UGT3A1: variants seen among roughly 807,000 people sequenced by gnomAD.
The protein encoded by UGT3A1 is UDP glycosyltransferase family 3 member A1, also known as UDP-glycosyltransferase 3A1.
A neutral mutation model predicts 37.6 loss-of-function variants in UGT3A1; 40 were observed. The observed-to-expected ratio is 1.06, with a 90% confidence interval of 0.83 to 1.38. The LOEUF (loss-of-function observed/expected upper bound fraction) is 1.38. Among genes scored for constraint, UGT3A1 ranks in the 40% most tolerant of loss-of-function variants. The pLI is 0.00. For missense variants in UGT3A1, 642 were observed against 634.2 expected (o/e 1.01, Z -0.13); for synonymous variants, 256 against 232.3 (o/e 1.10, Z -0.93).
chr5:35,967,981 AT>A, intron 3 of UGT3A1, 37 bp downstream of exon 3: 4 of 1,485,080 alleles, frequency 2.7e-6, no homozygotes, highest in Non-Finnish European at 3.7e-6. Context: ...TATCACTAAA[AT>A]AGTGACTCTT....
At chr5:35,959,959 A>G (rs1328731298) in intron 4 of UGT3A1, among the ~76,000 whole-genome samples, 2 of 152,214 alleles carry the variant, frequency 1.3e-5, no homozygotes, top group Admixed American at 1.3e-4. Flanking sequence ...CAATAATATC[A>G]GAGAGAATAA....
At position 35,962,587 on chromosome 5, in the gene UGT3A1, T is replaced by G. The variant is rs1739630427; in HGVS notation, c.843+2799A>C. The G allele has an allele frequency of 2.9e-5, 8 of 276,056 alleles. No homozygotes were observed. The South Asian group carries it at 5.8e-4, about 20-fold the overall frequency. The allele number at this position is 276,056 out of a possible 1,614,324, so 17.1% of individuals were successfully genotyped here. A position where few individuals can be genotyped will look rare whatever the true frequency, so the allele number is the denominator to read the frequency against. On this transcript the variant is annotated intron_variant, in intron 4 of 6. Coordinates refer to ENST00000274278, the MANE Select transcript of UGT3A1 (RefSeq NM_152404.4). ...GAAATGACAAAGCAGGAGGGCTGGATCAATCCTACACTGTCAGCAAAGATC... is the reference window on the plus strand; with the variant it reads ...GAAATGACAAAGCAGGAGGGCTGGAGCAATCCTACACTGTCAGCAAAGATC...
At chr5:35,974,757 G>A (rs1413962851) in intron 2 of UGT3A1, among the ~76,000 whole-genome samples, 1 of 152,138 alleles carries the variant, frequency 6.6e-6, no homozygotes, top group Non-Finnish European at 1.5e-5. Flanking sequence ...GTCCATCAAA[G>A]ACAGTTTGCT....
intron 5 of UGT3A1, 139 bp from the exon 6 acceptor site, chr5:35,956,003 C>T: frequency 1.1e-6 from 1 of 877,774 alleles, no homozygotes; most frequent in South Asian, 1.7e-5. Context: ...GCTTGGGACA[C>T]ACAAGTGTGA....
At chr5:35,994,863 T>TTTCTGCCACA (rs754645957), upstream of UGT3A1, among the ~76,000 whole-genome samples, 48 of 152,288 alleles carry the variant, frequency 3.2e-4, no homozygotes, top group Non-Finnish European at 1.2e-4. Context: ...TCCGGATGGG[T>TTTCTGCCACA]ATTGTGGCAA....
intron 1 of UGT3A1, among the ~76,000 whole-genome samples, chr5:35,998,558 T>C (rs1287262151): frequency 1.3e-5 from 2 of 152,238 alleles, no homozygotes; most frequent in Non-Finnish European, 2.9e-5. Flanking sequence ...ACTCTCTTGC[T>C]GGGACTTTTC....
In UGT3A1 at chr5:35,965,856, G is replaced by T. The variant is rs768917502; in HGVS notation, c.373C>A (p.Leu125Ile). The T allele has an allele frequency of 6.2e-7, 1 of 1,609,008 alleles. No homozygotes were observed. Residue 125 changes from leucine (L) to isoleucine (I), a missense_variant, in exon 4 of 7, where the codon CTA becomes ATA. Physicochemically the swap from Leu to Ile is conservative, Grantham distance 5. Transcript: ENST00000274278. ...GAATCCATTATATCCTTTCTGCTTA[G>T]CAAATAACTACATTGAGTCCCAAAT... ...EIFGTQCSYL[L>I]SRKDIMDSLK...
At chr5:35,954,565 T>TA in intron 6 of UGT3A1, 87 bp from the exon 7 acceptor site, 3 of 1,486,510 alleles carry the variant, frequency 2.0e-6, no homozygotes, top group Non-Finnish European at 2.7e-6. Flanking sequence ...CACACAAGCA[T>TA]ACAAACACTT....
chr5:36,000,478 T>C (rs113883510), intron 1 of UGT3A1, among the ~76,000 whole-genome samples: 21 of 152,304 alleles, frequency 1.4e-4, no homozygotes, highest in African/African-American at 4.6e-4. Context: ...CCAGGTACCA[T>C]TGACAAATCC....
intron 4 of UGT3A1, among the ~76,000 whole-genome samples, chr5:35,958,127 T>C (rs1330037441): frequency 3.9e-5 from 6 of 152,304 alleles, no homozygotes; most frequent in South Asian, 2.1e-4. Flanking sequence ...ATGATACTTA[T>C]AATATTATAA....
rs1486341027 is a variant in UGT3A1 at position 35,991,158 on chromosome 5, A to G, written c.83T>C (p.Ile28Thr). The change falls in exon 1 of 7, where the codon ATA (isoleucine) becomes ACA (threonine). Residue 28 changes from isoleucine to threonine, a missense_variant. Ile to Thr is a moderately conservative substitution (Grantham distance 89). Coordinates refer to ENST00000274278, the MANE Select transcript of UGT3A1 (RefSeq NM_152404.4). The part of the protein sequence containing the change: ...LLSEAAKILT[I>T]STLGGSHYLL... ...GGCCAAGCACTCACCCAGTGTAGATATTGTCAGGATTTTGGCAGCCTCTGA... is the reference window on the plus strand; with the variant it reads ...GGCCAAGCACTCACCCAGTGTAGATGTTGTCAGGATTTTGGCAGCCTCTGA... 4.3e-6 allele frequency: 7 copies of G among 1,612,378 alleles called. No homozygotes were observed. Among genetic ancestry groups the G allele is most frequent in the African/African-American group, 1.3e-5 (1 of 74,432 alleles).
At chr5:35,982,330 C>G (rs986565603) in intron 2 of UGT3A1, among the ~76,000 whole-genome samples, 2 of 152,142 alleles carry the variant, frequency 1.3e-5, no homozygotes, top group African/African-American at 4.8e-5. Context: ...TTAAAGCAGC[C>G]ATAGGGGCTA....
intron 4 of UGT3A1, among the ~76,000 whole-genome samples, chr5:35,959,463 A>G (rs1005582608): frequency 3.4e-4 from 52 of 152,330 alleles, no homozygotes; most frequent in Admixed American, 5.9e-4. Context: ...AGTAAACAAG[A>G]AAAACAATAT....
rs376306813 is a variant in UGT3A1, at chr5:35,955,969, T to A, written c.1076-105A>T. The A allele has an allele frequency of 1.0e-5, 12 of 1,153,272 alleles. No homozygotes were observed. The African/African-American group carries it at 1.4e-4, about 13-fold the overall frequency. 71.4% of individuals were successfully genotyped at this position (1,153,272 alleles called of 1,614,324 possible). A position where few individuals can be genotyped will look rare whatever the true frequency, so the allele number is the denominator to read the frequency against. On this transcript the variant is annotated intron_variant, in intron 5 of 6. Transcript: ENST00000274278. Reference sequence around the variant, plus strand: ...AAACACCAATGAAATCAAGGTCTGTTGAGAAAATGAATTCACTGATTTTGC... The same window carrying A: ...AAACACCAATGAAATCAAGGTCTGTAGAGAAAATGAATTCACTGATTTTGC...
At position 35,955,776 on chromosome 5, in the gene UGT3A1, T is replaced by C. The variant is rs756925782; in HGVS notation, c.1164A>G (p.Leu388=). The change falls in exon 6 of 7, where the codon TTA becomes TTG. Residue 388 remains leucine (L), a synonymous_variant. Coordinates refer to ENST00000274278, the MANE Select transcript of UGT3A1 (RefSeq NM_152404.4). ...AIRHGVPMVG[L]PVNGDQHGNM... ...TTCCATGCTGGTCTCCATTGACTGGTAATCCCACCATGGGCACACCATGAC... is the reference window on the plus strand; with the variant it reads ...TTCCATGCTGGTCTCCATTGACTGGCAATCCCACCATGGGCACACCATGAC... 5.6e-6 allele frequency: 9 copies of C among 1,614,210 alleles called. No homozygotes were observed. The highest frequency in any genetic ancestry group is 1.6e-4 in the Middle Eastern group (1 of 6,062).
chr5:35,973,346 C>T (rs1482579354), intron 2 of UGT3A1, among the ~76,000 whole-genome samples: 3 of 152,022 alleles, frequency 2.0e-5, no homozygotes, highest in Non-Finnish European at 2.9e-5. Context: ...ATCTGGGGTA[C>T]ATGTGTAGAA....
Position 35,954,360 on chromosome 5 carries a change from T to G in UGT3A1, c.1414A>C (p.Lys472Gln). 2 of 1,614,214 alleles carry G rather than the reference T, an allele frequency of 1.2e-6. No individual in the cohort carries two copies. The highest frequency in any genetic ancestry group is 1.7e-6 in the Non-Finnish European group (2 of 1,180,032). ...ILQTGGATHL[K>Q]PYAFQQPWHE... ...CAAGGCTGCTGGAAGGCATAGGGCTTGAGGTGCGTCGCTCCCCCAGTCTGG... is the reference window on the plus strand; with the variant it reads ...CAAGGCTGCTGGAAGGCATAGGGCTGGAGGTGCGTCGCTCCCCCAGTCTGG... Residue 472 changes from lysine to glutamine, a missense_variant, in exon 7 of 7, where the codon AAG becomes CAG. Physicochemically the swap from Lys to Gln is moderately conservative, Grantham distance 53 (BLOSUM62 1). Coordinates refer to ENST00000274278, the MANE Select transcript of UGT3A1 (RefSeq NM_152404.4).
chr5:35,968,037 T>C lies in UGT3A1; in HGVS notation c.293A>G (p.Glu98Gly), dbSNP rs561633448. Residue 98 changes from glutamate (E) to glycine (G), a missense_variant, in exon 3 of 7, where the codon GAA becomes GGA. Glu to Gly is a moderately conservative substitution (Grantham distance 98). Transcript: ENST00000274278. ...RIKKHFDSYI[E>G]TALDGRKESE... Reference sequence around the variant, plus strand: ...AAGTTACCTGCCATCCAATGCTGTTTCTATGTAGCTATCAAAATGCTTCTT... The same window carrying C: ...AAGTTACCTGCCATCCAATGCTGTTCCTATGTAGCTATCAAAATGCTTCTT... 22 of 1,612,248 alleles carry C rather than the reference T, an allele frequency of 1.4e-5. No individual in the cohort carries two copies. In the East Asian group the frequency reaches 4.9e-4, roughly 36 times the overall value.
At chr5:35,963,928 A>T (rs1000536821) in intron 4 of UGT3A1, among the ~76,000 whole-genome samples, 1 of 152,152 alleles carries the variant, frequency 6.6e-6, no homozygotes, top group African/African-American at 2.4e-5. Flanking sequence ...TCTGAATCGC[A>T]CCTTTAGTGG....
Sources: allele counts gnomAD v4.1 joint callset (sites outside exome capture counted in the v4.1 genomes callset), GRCh38; gene constraint gnomAD v4.1.1; transcripts MANE v1.5; gene names NCBI Gene and HGNC (gene_info 2026-07-23, HGNC 2026-07-21).